Variants in CSTF3 observed in about 807,000 individuals in gnomAD.
The protein encoded by CSTF3 is cleavage stimulation factor subunit 3.
CSTF3 carries 29 observed loss-of-function variants against 105.8 expected under a neutral mutation model. The observed-to-expected ratio is 0.27, with a 90% CI of 0.20 to 0.37. The LOEUF is 0.37. Among genes scored for constraint, CSTF3 ranks in the 10% least tolerant of loss-of-function variants. CSTF3 has a pLI of 1.00. For missense variants in CSTF3, 357 were observed against 879.3 expected (o/e 0.41, Z 7.51); for synonymous variants, 252 against 281.9 (o/e 0.89, Z 1.06).
intron 10 of CSTF3, among the ~76,000 whole-genome samples, chr11:33,101,688 A>T (rs1855282731): frequency 6.6e-6 from 1 of 152,230 alleles, no homozygotes; most frequent in African/African-American, 2.4e-5. Context: ...CAATATCTAA[A>T]AGAAAAAATT....
intron 1 of CSTF3, among the ~76,000 whole-genome samples, chr11:33,149,844 C>T (rs946016755): frequency 5.3e-5 from 8 of 152,134 alleles, no homozygotes; most frequent in African/African-American, 9.7e-5. Context: ...CATGGTAAAA[C>T]CCTGTCTCTA....
intron 8 of CSTF3, among the ~76,000 whole-genome samples, chr11:33,104,204 T>A (rs1268674613): frequency 6.6e-6 from 1 of 152,142 alleles, no homozygotes; most frequent in Non-Finnish European, 1.5e-5. Flanking sequence ...AAGATAAACA[T>A]TACCACTCAG....
chr11:33,119,505 A>G (rs1345610740), intron 3 of CSTF3, among the ~76,000 whole-genome samples: 1 of 151,814 alleles, frequency 6.6e-6, no homozygotes, highest in African/African-American at 2.4e-5. Context: ...AACTTCCACA[A>G]TGAAGTAGAT....
rs201000740 is a variant in CSTF3, at chr11:33,096,412, C to G, written c.1273-4G>C. 5.4e-5 allele frequency: 85 copies of G among 1,563,178 alleles called. No homozygotes were observed. The Middle Eastern group carries it at 3.2e-3, about 59-fold the overall frequency. ...TCTTAAAGGCAACAGATTTGTCCTA[C>G]AAGTAAAGAAAGTAAAGTACAGATT... On this transcript the variant is annotated splice_polypyrimidine_tract_variant and splice_region_variant and intron_variant, in intron 14 of 20. Transcript: ENST00000323959.
intron 8 of CSTF3, 116 bp downstream of exon 8, chr11:33,105,451 A>G (rs1855317631): frequency 1.0e-6 from 1 of 1,002,170 alleles, no homozygotes; most frequent in Non-Finnish European, 1.4e-6. Context: ...TGCTTTCATT[A>G]CAATCAATAA....
At chr11:33,142,613 T>TA (rs1313792509) in intron 1 of CSTF3, among the ~76,000 whole-genome samples, 1 of 152,210 alleles carries the variant, frequency 6.6e-6, no homozygotes. Flanking sequence ...AGGACCCCTC[T>TA]ACGCTCTTAA....
chr11:33,150,951 T>C (rs891352673), intron 1 of CSTF3, among the ~76,000 whole-genome samples: 3 of 152,172 alleles, frequency 2.0e-5, no homozygotes, highest in Non-Finnish European at 4.4e-5. Flanking sequence ...ATGATTCACA[T>C]ACATACAATT....
intron 17 of CSTF3, among the ~76,000 whole-genome samples, chr11:33,087,414 C>G (rs905299715): frequency 6.6e-6 from 1 of 152,144 alleles, no homozygotes; most frequent in African/African-American, 2.4e-5. Flanking sequence ...AGGACAGATA[C>G]AAGCTTTTTT....
chr11:33,141,372 T>C, intron 3 of CSTF3: 2 of 970,510 alleles, frequency 2.1e-6, no homozygotes, highest in Middle Eastern at 4.0e-4. Context: ...TCTAAATAAA[T>C]GACACAGGAG....
intron 3 of CSTF3, among the ~76,000 whole-genome samples, chr11:33,121,352 T>C (rs1855488008): frequency 6.6e-6 from 1 of 152,112 alleles, no homozygotes; most frequent in Non-Finnish European, 1.5e-5. Context: ...ATTTATAAAA[T>C]TATTTCATAA....
rs555372986 is a variant in CSTF3, at chr11:33,126,578, T to C, written c.225+15089A>G. 5.9e-5 allele frequency among the ~76,000 whole-genome samples: 9 copies of C among 152,326 alleles called. No homozygotes were observed. The South Asian group carries it at 1.9e-3, about 32-fold the overall frequency. ...AGACAATTCAAAAGAACAGTTTCTT[T>C]TTAGTGTTCTAAAAATAAAGACATT... On this transcript the variant is annotated intron_variant, in intron 3 of 20. Coordinates refer to ENST00000323959, the MANE Select transcript of CSTF3 (RefSeq NM_001326.3).
Position 33,085,099 on chromosome 11 carries a change from C to T in CSTF3, c.2142G>A (p.Lys714=), listed in dbSNP as rs1855090344. 6.2e-7 allele frequency: 1 copy of T among 1,614,194 alleles called. No homozygotes were observed. The highest frequency in any genetic ancestry group is 1.1e-5 in the South Asian group (1 of 91,086). ...GGCGTTTAAAACCCTACCGAATCCG[C>T]TTCTGCTGCCGTGCTCTGTAAATGT... ...VHDIYRARQQ[K]RIR is the part of the protein sequence containing the mutation. Residue 714 remains lysine, a synonymous_variant, in exon 21 of 21, where the codon AAG becomes AAA. Transcript: ENST00000323959.
intron 3 of CSTF3, among the ~76,000 whole-genome samples, chr11:33,125,705 T>C (rs184489871): frequency 5.6e-4 from 85 of 152,286 alleles, no homozygotes; most frequent in African/African-American, 1.8e-3. Context: ...GGATATCCCA[T>C]TGGACACTGT....
chr11:33,100,712 G>T (rs1218923880), intron 10 of CSTF3, among the ~76,000 whole-genome samples: 1 of 152,180 alleles, frequency 6.6e-6, no homozygotes, highest in Non-Finnish European at 1.5e-5. Context: ...CTCAAGAAAG[G>T]CTTCACTAAG....
intron 3 of CSTF3, among the ~76,000 whole-genome samples, chr11:33,117,750 G>A (rs898588767): frequency 6.6e-6 from 1 of 151,990 alleles, no homozygotes; most frequent in South Asian, 2.1e-4. Flanking sequence ...ATTAAACTGT[G>A]CTTTGTCTAA....
At chr11:33,125,850 G>C (rs188498379) in intron 3 of CSTF3, among the ~76,000 whole-genome samples, 1 of 152,152 alleles carries the variant, frequency 6.6e-6, no homozygotes, top group Non-Finnish European at 1.5e-5. Context: ...ATCTCCTCGC[G>C]TTCCTTTTTT....
At position 33,085,720 on chromosome 11, in the gene CSTF3, T is replaced by C. The variant is rs1321321104; in HGVS notation, c.1944A>G (p.Ile648Met). The change falls in exon 20 of 21, where the codon ATA (isoleucine) becomes ATG (methionine). Residue 648 changes from isoleucine (I) to methionine (M), a missense_variant. Ile to Met is a conservative substitution (Grantham distance 10, BLOSUM62 1). This residue lies in a region of CSTF3 where 73 missense variants were observed against 105.8 expected (regional missense o/e 0.69). Coordinates refer to ENST00000323959, the MANE Select transcript of CSTF3 (RefSeq NM_001326.3). ...GGAGCTTCTGTTACTTACTATTTGG[T>C]ATCTTGCATCTTCGGAAAATTTCCA... ...ELMEIFRRCK[I>M]PNTVEEAVRI... The C allele has an allele frequency of 1.2e-6, 2 of 1,611,518 alleles. No homozygotes were observed. Among genetic ancestry groups the C allele is most frequent in the African/African-American group, 2.7e-5 (2 of 74,882 alleles).
chr11:33,132,339 C>T (rs1376806605), intron 3 of CSTF3, among the ~76,000 whole-genome samples: 1 of 151,896 alleles, frequency 6.6e-6, no homozygotes, highest in Non-Finnish European at 1.5e-5. Context: ...CAGAGTAGTT[C>T]CCCTCCCCCA....
intron 1 of CSTF3, among the ~76,000 whole-genome samples, chr11:33,146,315 A>G (rs531298499): frequency 6.6e-6 from 1 of 152,176 alleles, no homozygotes; most frequent in Non-Finnish European, 1.5e-5. Flanking sequence ...TTCTATTAAC[A>G]CCCTACTGCA....
Sources: allele counts gnomAD v4.1 joint callset (sites outside exome capture counted in the v4.1 genomes callset), GRCh38; gene constraint gnomAD v4.1.1; regional missense constraint gnomAD v4.1.1; transcripts MANE v1.5; gene names NCBI Gene and HGNC (gene_info 2026-07-23, HGNC 2026-07-21).